HELQ: variants seen among roughly 807,000 people sequenced by gnomAD.
HELQ encodes the protein helicase, POLQ like.
A neutral mutation model predicts 111.6 loss-of-function variants in HELQ; 77 were observed. That is an observed-to-expected ratio of 0.69 (90% CI 0.57 to 0.83). The LOEUF is 0.83. Ranked by LOEUF, HELQ falls within the 40% of genes least tolerant of loss-of-function variation. The pLI, the probability that HELQ is intolerant of heterozygous loss-of-function variation, is 0.00. For missense variants in HELQ, 1,200 were observed against 1,288.5 expected, an observed-to-expected ratio of 0.93 and a Z score of 1.05; for synonymous variants, 438 against 454.7, an observed-to-expected ratio of 0.96 and a Z score of 0.47.
intron 4 of HELQ, 42 bp downstream of exon 4, chr4:83,446,793 G>T: frequency 8.6e-7 from 1 of 1,165,816 alleles, no homozygotes; most frequent in Non-Finnish European, 1.3e-6. Context: ...TAAATATTTA[G>T]TATAATAAAA....
chr4:83,455,588 G>A lies in HELQ; in HGVS notation c.106C>T (p.Pro36Ser), dbSNP rs138939487. 6,697 of 1,614,066 alleles carry A rather than the reference G, an allele frequency of 4.1e-3. 31 individuals are homozygous for A. The highest frequency in any genetic ancestry group is 4.3e-3 in the Non-Finnish European group (5,071 of 1,180,010). The change falls in exon 1 of 18, where the codon CCC (proline) becomes TCC (serine). Residue 36 changes from proline to serine, a missense_variant. By Grantham distance (74) the Pro-to-Ser change is moderately conservative (BLOSUM62 -1). Transcript: ENST00000295488. ...FGAPTAAELV[P>S]GDEGKEEEEM... is the part of the protein sequence containing the mutation. ...TCCTCCTCTTTCCCCTCATCTCCGG[G>A]CACGAGCTCGGCCGCGGTGGGAGCG...
At chr4:83,447,087 C>T (rs932767780) in intron 3 of HELQ, 52 bp from the exon 4 acceptor site, 10 of 298,368 alleles carry the variant, frequency 3.4e-5, no homozygotes, top group Non-Finnish European at 4.4e-5. Flanking sequence ...GTGGCCAATG[C>T]CTGTAATCCC....
intron 13 of HELQ, 94 bp downstream of exon 13, chr4:83,427,469 A>G (rs1426972104): frequency 1.9e-6 from 2 of 1,054,596 alleles, no homozygotes; most frequent in Non-Finnish European, 2.7e-6. Flanking sequence ...AGCCTGGGCA[A>G]CATGGCAAAG....
rs1264477687 is a variant in HELQ, at chr4:83,448,776, C to A, written c.1191+7G>T. 6.2e-7 allele frequency: 1 copy of A among 1,609,302 alleles called. No homozygotes were observed. The highest frequency in any genetic ancestry group is 8.5e-7 in the Non-Finnish European group (1 of 1,176,662). On this transcript the variant is annotated splice_region_variant and intron_variant, in intron 3 of 17. Coordinates refer to ENST00000295488, the MANE Select transcript of HELQ (RefSeq NM_133636.5). ...ACATTTGTTTTAAAACATACACACA[C>A]ACACACCTTTTCTTGGACAATTGCC...
chr4:83,452,682 G>C lies in HELQ; in HGVS notation c.1012+549C>G, dbSNP rs565248922. ...GTCAAAAAACAGGAGTGGTTGTAAG[G>C]ACATCCAGAAACAAGAATTTCAAGA... On this transcript the variant is annotated intron_variant, in intron 2 of 17. Transcript: ENST00000295488. Among the ~76,000 whole-genome samples, 12 of 152,244 alleles carry C rather than the reference G, an allele frequency of 7.9e-5. No individual in the cohort carries two copies. In the South Asian group the frequency reaches 1.2e-3, roughly 16 times the overall value.
Position 83,432,137 on chromosome 4 carries a change from CT to C in HELQ, c.2178del (p.Asp727ThrfsTer8). On this transcript the variant is annotated frameshift_variant, in exon 10 of 18. Transcript: ENST00000295488. LOFTEE classifies it high-confidence loss of function. ...IGESILILQEKDKQQVLELIT... is the reference protein window; with the variant it reads ...IGESILILQEXDKQQVLELIT... ...AAATTGAGTATTACCTGTTGTTTGT[CT>C]TTTTCTTGCAATATGAGGATACTCT... The C allele has an allele frequency of 6.3e-7, 1 of 1,578,726 alleles. No individual in the cohort carries two copies. Among genetic ancestry groups the C allele is most frequent in the Non-Finnish European group, 8.6e-7 (1 of 1,165,256 alleles).
rs538113193 is a variant in HELQ, at chr4:83,455,776, G to A, written c.-83C>T. 405 of 1,358,792 alleles carry A rather than the reference G, an allele frequency of 3.0e-4. 4 individuals carry two copies. In the South Asian group the frequency reaches 4.2e-3, roughly 14 times the overall value. 84.2% of individuals were successfully genotyped at this position (1,358,792 alleles called of 1,614,324 possible). ...ATATGGAAGGGAGAGTGGGACGCCG[G>A]AGCCCGCTTCTACATCCACCTTGGG... On this transcript the variant is annotated 5_prime_UTR_variant, in exon 1 of 18. Transcript: ENST00000295488.
At chr4:83,447,152 A>T in intron 3 of HELQ, 117 bp from the exon 4 acceptor site, 1 of 673,268 alleles carries the variant, frequency 1.5e-6, no homozygotes, top group Non-Finnish European at 2.5e-6. Context: ...AGGTGAGACC[A>T]GCCTGGGCAA....
Position 83,453,428 on chromosome 4 carries a change from G to A in HELQ, c.815C>T (p.Ala272Val), listed in dbSNP as rs776210911. The A allele has an allele frequency of 1.7e-5, 28 of 1,602,714 alleles. No individual in the cohort carries two copies. The highest frequency in any genetic ancestry group is 2.0e-5 in the Non-Finnish European group (24 of 1,176,392). The change falls in exon 2 of 18, where the codon GCC becomes GTC. Residue 272 changes from alanine (A) to valine (V), a missense_variant. Coordinates refer to ENST00000295488, the MANE Select transcript of HELQ (RefSeq NM_133636.5). ...CTGGGCCTTCGCATTTCCAGTCATG[G>A]CATTTTTTAGATGATCTTTAATACT... is the stretch of plus-strand genomic sequence containing the variant. ...RKSIKDHLKNAMTGNAKAQTP... is the reference protein window; with the variant it reads ...RKSIKDHLKNVMTGNAKAQTP...
chr4:83,442,749 G>T (rs796242821), intron 6 of HELQ, among the ~76,000 whole-genome samples: 14 of 151,794 alleles, frequency 9.2e-5, no homozygotes, highest in African/African-American at 3.4e-4. Flanking sequence ...CAGGGGTCTC[G>T]CCATGTTGCC....
chr4:83,438,926 A>G (rs1458494876), intron 8 of HELQ, among the ~76,000 whole-genome samples: 1 of 152,076 alleles, frequency 6.6e-6, no homozygotes, highest in Non-Finnish European at 1.5e-5. Flanking sequence ...ACTCCCAGAG[A>G]TTCTGATTTG....
intron 13 of HELQ, 76 bp downstream of exon 13, chr4:83,427,487 T>G: frequency 7.9e-7 from 1 of 1,262,954 alleles, no homozygotes; most frequent in Non-Finnish European, 1.1e-6. Context: ...AAGCCTCATC[T>G]CTAAAAAACA....
intron 3 of HELQ, 99 bp downstream of exon 3, chr4:83,448,684 A>G: frequency 9.8e-7 from 1 of 1,024,122 alleles, no homozygotes. Context: ...AAAAAAAAAA[A>G]GAGGTACTTC....
At chr4:83,410,215 C>G (rs1309776610) in intron 17 of HELQ, among the ~76,000 whole-genome samples, 2 of 152,070 alleles carry the variant, frequency 1.3e-5, no homozygotes, top group African/African-American at 4.8e-5. Context: ...TGCTACTGCA[C>G]TCTAGCCTGG....
In HELQ at chr4:83,450,222, T is replaced by TAAAAAAAAAA. The variant is rs71668650; in HGVS notation, c.1013-1271_1013-1262dup. On this transcript the variant is annotated intron_variant, in intron 2 of 17. Coordinates refer to ENST00000295488, the MANE Select transcript of HELQ (RefSeq NM_133636.5). The stretch of plus-strand genomic sequence containing the variant: ...TGTATGTTCAATATACAGTTAAGTT[T>TAAAAAAAAAA]AAAAAAAAAAAAAAAAAAAAAAAAA... Among the ~76,000 whole-genome samples, 52 of 45,608 alleles carry TAAAAAAAAAA rather than the reference T, an allele frequency of 1.1e-3. 3 individuals are homozygous for TAAAAAAAAAA. Among genetic ancestry groups the TAAAAAAAAAA allele is most frequent in the African/African-American group, 1.7e-3 (35 of 20,470 alleles). The allele number at this position is 45,608 out of a possible 152,430, so 29.9% of individuals were successfully genotyped here.
At chr4:83,425,701 T>C (rs577363012) in intron 14 of HELQ, among the ~76,000 whole-genome samples, 1 of 152,304 alleles carries the variant, frequency 6.6e-6, no homozygotes, top group African/African-American at 2.4e-5. Context: ...GAAAATGTAT[T>C]TCCTCGTTTG....
chr4:83,455,580 A>T lies in HELQ; in HGVS notation c.114T>A (p.Asp38Glu), dbSNP rs563102563. ...APTAAELVPG[D>E]EGKEEEEMVA... ...CCATTTCCTCCTCCTCTTTCCCCTC[A>T]TCTCCGGGCACGAGCTCGGCCGCGG... Residue 38 changes from aspartate (D) to glutamate (E), a missense_variant, in exon 1 of 18, where the codon GAT becomes GAA. By Grantham distance (45) the Asp-to-Glu change is conservative. Transcript: ENST00000295488. 3.7e-6 allele frequency: 6 copies of T among 1,614,046 alleles called. No homozygotes were observed. The East Asian group carries it at 1.3e-4, about 36-fold the overall frequency.
intron 12 of HELQ, among the ~76,000 whole-genome samples, chr4:83,428,766 A>AT (rs562195629): frequency 3.9e-5 from 6 of 152,114 alleles, no homozygotes; most frequent in Non-Finnish European, 8.8e-5. Flanking sequence ...ACATAGCGAG[A>AT]TTTTGCCTCC....
At chr4:83,451,234 C>T (rs1721345537) in intron 2 of HELQ, among the ~76,000 whole-genome samples, 1 of 148,944 alleles carries the variant, frequency 6.7e-6, no homozygotes, top group Non-Finnish European at 1.5e-5. Context: ...AACACAGACT[C>T]TAACTTGCAA....
Sources: allele counts gnomAD v4.1 joint callset (sites outside exome capture counted in the v4.1 genomes callset), GRCh38; gene constraint gnomAD v4.1.1; transcripts MANE v1.5; gene names NCBI Gene and HGNC (gene_info 2026-07-23, HGNC 2026-07-21).